EPHA6: variants seen among roughly 807,000 people sequenced by gnomAD.
EPHA6 encodes the protein EPH receptor A6.
EPHA6 carries 50 observed loss-of-function variants against 112.0 expected under a neutral mutation model. That is an observed-to-expected ratio of 0.45 (90% CI 0.36 to 0.56). EPHA6 has a LOEUF of 0.56. Among genes scored for constraint, EPHA6 ranks in the 20% least tolerant of loss-of-function variants. The probability of loss-of-function intolerance (pLI) is 0.00; values close to 1 mark genes in which losing one functional copy is unlikely to be tolerated. For missense variants in EPHA6, 1,280 were observed against 1,417.4 expected, an observed-to-expected ratio of 0.90 and a Z score of 1.56; for synonymous variants, 529 against 490.7, an observed-to-expected ratio of 1.08 and a Z score of -1.03.
At chr3:97,107,537 C>A (rs1251866784) in intron 3 of EPHA6, among the ~76,000 whole-genome samples, 1 of 152,124 alleles carries the variant, frequency 6.6e-6, no homozygotes, top group Non-Finnish European at 1.5e-5. Context: ...TCTCTAACTT[C>A]CATGAAGATA....
intron 1 of EPHA6, among the ~76,000 whole-genome samples, chr3:96,849,870 A>G (rs2035282580): frequency 6.6e-6 from 1 of 152,192 alleles, no homozygotes; most frequent in African/African-American, 2.4e-5. Flanking sequence ...TAATGCACTT[A>G]GAGCATGCTT....
intron 3 of EPHA6, among the ~76,000 whole-genome samples, chr3:97,189,727 T>C (rs549467810): frequency 3.9e-5 from 6 of 152,122 alleles, no homozygotes; most frequent in Non-Finnish European, 7.4e-5. Flanking sequence ...CTTAGAAACA[T>C]ACTTGGTCTA....
At chr3:97,221,604 C>T (rs2873499) in intron 3 of EPHA6, among the ~76,000 whole-genome samples, 28,155 of 151,920 alleles carry the variant, frequency 0.19, 6,323 homozygotes, top group African/African-American at 0.52. Flanking sequence ...AGTACTGATA[C>T]CCCATTTATA....
intron 1 of EPHA6, among the ~76,000 whole-genome samples, chr3:96,832,025 G>T (rs1363788628): frequency 6.6e-6 from 1 of 151,992 alleles, no homozygotes; most frequent in African/African-American, 2.4e-5. Flanking sequence ...CTGCATCATA[G>T]AAAGGGTAGA....
At chr3:97,710,719 C>A (rs1468063208) in intron 14 of EPHA6, among the ~76,000 whole-genome samples, 1 of 152,124 alleles carries the variant, frequency 6.6e-6, no homozygotes, top group African/African-American at 2.4e-5. Context: ...AGAAAGAGGG[C>A]CAAGAAGCCA....
Position 97,203,955 on chromosome 3 carries a change from C to A in EPHA6, c.1115-22309C>A, listed in dbSNP as rs375622496. Among the ~76,000 whole-genome samples, 129 of 151,708 alleles carry A rather than the reference C, an allele frequency of 8.5e-4. 1 individual carries two copies. The highest frequency in any genetic ancestry group is 2.9e-3 in the African/African-American group (118 of 41,334). ...ATATGTAACTAACCTGCACATTGTG[C>A]ACATGTACCCTAAAGCTTAAAGTAT... On this transcript the variant is annotated intron_variant, in intron 3 of 17. Coordinates refer to ENST00000389672, the MANE Select transcript of EPHA6 (RefSeq NM_001080448.3).
At chr3:96,878,919 TAA>T (rs10556061) in intron 2 of EPHA6, among the ~76,000 whole-genome samples, 17,678 of 152,022 alleles carry the variant, frequency 0.12, 1,884 homozygotes, top group Admixed American at 0.24. Flanking sequence ...TTGATAGCAC[TAA>T]GTTTGCCATC....
intron 5 of EPHA6, 88 bp downstream of exon 5, chr3:97,244,375 GCT>G (rs1362360390): frequency 8.7e-7 from 1 of 1,146,178 alleles, no homozygotes; most frequent in South Asian, 1.3e-5. Context: ...TATTGCAGGT[GCT>G]ATGCAGTCAT....
At chr3:97,388,692 C>A (rs1469092667) in intron 5 of EPHA6, among the ~76,000 whole-genome samples, 1 of 152,094 alleles carries the variant, frequency 6.6e-6, no homozygotes, top group Non-Finnish European at 1.5e-5. Flanking sequence ...TTTATGACAG[C>A]TGAATTCTTT....
chr3:97,353,682 A>T (rs902995642), intron 5 of EPHA6, among the ~76,000 whole-genome samples: 1 of 152,182 alleles, frequency 6.6e-6, no homozygotes, highest in Non-Finnish European at 1.5e-5. Context: ...TGGACCTACC[A>T]TGGGCCAGTG....
chr3:97,180,340 G>C (rs1195929150), intron 3 of EPHA6, among the ~76,000 whole-genome samples: 1 of 152,040 alleles, frequency 6.6e-6, no homozygotes, highest in African/African-American at 2.4e-5. Context: ...TCAAGTCCTG[G>C]AATATGGAGC....
intron 2 of EPHA6, among the ~76,000 whole-genome samples, chr3:96,932,290 T>TA (rs2040365053): frequency 6.6e-6 from 1 of 152,242 alleles, no homozygotes; most frequent in Admixed American, 6.5e-5. Context: ...CAGCTGCTTT[T>TA]AATTGGCCAT....
At chr3:97,163,214 A>G (rs1348827764) in intron 3 of EPHA6, among the ~76,000 whole-genome samples, 3 of 152,114 alleles carry the variant, frequency 2.0e-5, no homozygotes, top group Non-Finnish European at 2.9e-5. Context: ...TAATATTCCA[A>G]TTCCTCTAAG....
intron 4 of EPHA6, among the ~76,000 whole-genome samples, chr3:97,228,817 G>T (rs79779141): frequency 0.016 from 2,396 of 152,162 alleles, 75 homozygotes; most frequent in African/African-American, 0.054. Context: ...CGTGGTAGTT[G>T]TACTGGTTTA....
intron 3 of EPHA6, among the ~76,000 whole-genome samples, chr3:97,071,406 C>T (rs2108160149): frequency 6.6e-6 from 1 of 152,010 alleles, no homozygotes; most frequent in African/African-American, 2.4e-5. Flanking sequence ...TAAAGACATA[C>T]CATAGACTGG....
chr3:97,124,941 A>G (rs899692563), intron 3 of EPHA6, among the ~76,000 whole-genome samples: 22 of 151,686 alleles, frequency 1.5e-4, no homozygotes, highest in African/African-American at 5.4e-4. Context: ...AAGCATAATT[A>G]CTAAAATACA....
Position 97,463,709 on chromosome 3 carries a change from A to G in EPHA6, c.1895-11643A>G, listed in dbSNP as rs188710634. Among the ~76,000 whole-genome samples, 288 of 152,294 alleles carry G rather than the reference A, an allele frequency of 1.9e-3. 1 individual carries two copies. The highest frequency in any genetic ancestry group is 6.2e-3 in the African/African-American group (257 of 41,578). ...TTGATAGAGCCAAGGTAAAGTTTCA[A>G]TGATTGAAGATGATTTTTCCATGAT... On this transcript the variant is annotated intron_variant, in intron 7 of 17. Transcript: ENST00000389672.
intron 2 of EPHA6, among the ~76,000 whole-genome samples, chr3:96,959,743 G>T (rs564219646): frequency 6.6e-6 from 1 of 151,486 alleles, no homozygotes; most frequent in African/African-American, 2.4e-5. Context: ...TTGTTTTTCA[G>T]TAATAAATAC....
intron 5 of EPHA6, among the ~76,000 whole-genome samples, chr3:97,308,675 A>G (rs1454523216): frequency 2.0e-5 from 3 of 151,810 alleles, no homozygotes; most frequent in Non-Finnish European, 4.4e-5. Flanking sequence ...CAGAAACTTC[A>G]TATGCTAACC....
Sources: allele counts gnomAD v4.1 joint callset (sites outside exome capture counted in the v4.1 genomes callset), GRCh38; gene constraint gnomAD v4.1.1; transcripts MANE v1.5; gene names NCBI Gene and HGNC (gene_info 2026-07-23, HGNC 2026-07-21).